ZFYVE16: variants seen among roughly 807,000 people sequenced by gnomAD.
The protein encoded by ZFYVE16 is zinc finger FYVE domain-containing protein 16.
In ZFYVE16, 89 loss-of-function variants were observed where a neutral mutation model predicts 138.1. The ratio of observed to expected loss-of-function variants is 0.64; its 90% CI spans 0.54 to 0.77. ZFYVE16 has a LOEUF of 0.77. Ranked by LOEUF, ZFYVE16 falls within the 30% of genes least tolerant of loss-of-function variation. The pLI, the probability that ZFYVE16 is intolerant of heterozygous loss-of-function variation, is 0.00. For missense variants in ZFYVE16, 1,793 were observed against 1,786.7 expected (o/e 1.00, Z -0.06); for synonymous variants, 596 against 618.3 (o/e 0.96, Z 0.53).
Position 80,445,363 on chromosome 5 carries a change from A to T in ZFYVE16, c.2682A>T (p.Arg894Ser), listed in dbSNP as rs1487856507. ...CAAAATTATCATCTGGAAGTAAAAG[A>T]TGTTCTGAAGACTTTAGTCCTCTCT... ...DTTKLSSGSKRCSEDFSPLSP... is the reference protein window; with the variant it reads ...DTTKLSSGSKSCSEDFSPLSP... The change falls in exon 7 of 19, where the codon AGA becomes AGT. Residue 894 changes from arginine (R) to serine (S), a missense_variant. This residue lies in a region of ZFYVE16 where 1,295 missense variants were observed against 1,204.3 expected (regional missense o/e 1.08). Coordinates refer to ENST00000505560, the MANE Select transcript of ZFYVE16 (RefSeq NM_001284236.3). 1 of 1,613,940 alleles carries T rather than the reference A, an allele frequency of 6.2e-7. No individual in the cohort carries two copies.
Position 80,437,923 on chromosome 5 carries a change from T to C in ZFYVE16, c.1238T>C (p.Ile413Thr). The C allele has an allele frequency of 6.2e-7, 1 of 1,614,058 alleles. No individual in the cohort carries two copies. Residue 413 changes from isoleucine to threonine, a missense_variant, in exon 4 of 19, where the codon ATA (isoleucine) becomes ACA (threonine). This residue lies in a region of ZFYVE16 where 1,295 missense variants were observed against 1,204.3 expected (regional missense o/e 1.08). Transcript: ENST00000505560. ...HKDNIQDAVT[I>T]HEEIQNSVVL... ...GATAATATACAAGATGCAGTGACTA[T>C]ACATGAAGAAATACAGAACAGTGTT...
At chr5:80,463,902 C>A (rs1753404510) in intron 15 of ZFYVE16, among the ~76,000 whole-genome samples, 1 of 152,196 alleles carries the variant, frequency 6.6e-6, no homozygotes. Context: ...TTTGCCAAAG[C>A]ATAGCAACAG....
intron 2 of ZFYVE16, among the ~76,000 whole-genome samples, chr5:80,428,467 A>G (rs936911742): frequency 6.6e-6 from 1 of 152,226 alleles, no homozygotes; most frequent in Non-Finnish European, 1.5e-5. Context: ...CGTCACCATC[A>G]TCAAAGACCA....
At chr5:80,428,916 A>T (rs2112290046) in intron 2 of ZFYVE16, among the ~76,000 whole-genome samples, 1 of 152,330 alleles carries the variant, frequency 6.6e-6, no homozygotes, top group South Asian at 2.1e-4. Context: ...AAAAAGAATA[A>T]AAAGAAACGA....
At chr5:80,443,685 C>T (rs988547036) in intron 6 of ZFYVE16, 2 of 455,966 alleles carry the variant, frequency 4.4e-6, no homozygotes, top group East Asian at 6.9e-5. Flanking sequence ...TACTGAAAAT[C>T]ATGAGTCTAG....
chr5:80,458,177 C>T (rs1752732647), intron 14 of ZFYVE16, among the ~76,000 whole-genome samples: 1 of 151,824 alleles, frequency 6.6e-6, no homozygotes, highest in South Asian at 2.1e-4. Context: ...TTATATTATA[C>T]TTTATCACTT....
intron 6 of ZFYVE16, chr5:80,443,667 GT>G (rs1750977190): frequency 4.4e-6 from 2 of 455,124 alleles, no homozygotes; most frequent in Admixed American, 4.7e-5. Context: ...CAGATTTGAT[GT>G]TAGGAGTACT....
intron 1 of ZFYVE16, chr5:80,411,695 C>T (rs1247668931): frequency 6.6e-6 from 1 of 152,296 alleles, no homozygotes; most frequent in Middle Eastern, 3.4e-3. Context: ...AAATCTTTAT[C>T]TATCTCAGAC....
chr5:80,449,303 C>T (rs969971402), intron 8 of ZFYVE16, among the ~76,000 whole-genome samples: 8 of 151,988 alleles, frequency 5.3e-5, no homozygotes, highest in Admixed American at 1.3e-4. Context: ...TTTATAAAAA[C>T]GTTTGTCTTC....
intron 1 of ZFYVE16, among the ~76,000 whole-genome samples, chr5:80,421,147 G>GT (rs1193570150): frequency 2.6e-5 from 4 of 152,186 alleles, no homozygotes; most frequent in Middle Eastern, 3.4e-3. Context: ...GGGGTTGTTT[G>GT]TTTTTTTCTT....
At chr5:80,414,384 G>A (rs1204857872) in intron 1 of ZFYVE16, among the ~76,000 whole-genome samples, 2 of 151,862 alleles carry the variant, frequency 1.3e-5, no homozygotes, top group East Asian at 1.9e-4. Flanking sequence ...CTTCTGTGTG[G>A]GTAGCCTCTT....
At chr5:80,428,310 T>C (rs1178284798) in intron 2 of ZFYVE16, among the ~76,000 whole-genome samples, 2 of 152,172 alleles carry the variant, frequency 1.3e-5, no homozygotes, top group African/African-American at 4.8e-5. Context: ...ACATTCACTG[T>C]TCTGCAGCCT....
intron 15 of ZFYVE16, among the ~76,000 whole-genome samples, chr5:80,464,594 TGTTCATA>T (rs1753484403): frequency 6.6e-6 from 1 of 152,252 alleles, no homozygotes; most frequent in Non-Finnish European, 1.5e-5. Context: ...GGCATAACAT[TGTTCATA>T]GTATTCCCTT....
At chr5:80,430,373 G>T (rs566619066) in intron 2 of ZFYVE16, among the ~76,000 whole-genome samples, 1 of 151,704 alleles carries the variant, frequency 6.6e-6, no homozygotes, top group East Asian at 1.9e-4. Flanking sequence ...CAGAAATAAA[G>T]ATGTTCTTTG....
In ZFYVE16 at chr5:80,436,999, C is replaced by T. The variant is rs1750013135; in HGVS notation, c.314C>T (p.Ser105Phe). 1 of 1,614,048 alleles carries T rather than the reference C, an allele frequency of 6.2e-7. No individual in the cohort carries two copies. The highest frequency in any genetic ancestry group is 1.7e-5 in the Admixed American group (1 of 60,006). The part of the protein sequence containing the change: ...KNVTGLDLLS[S>F]VDGGTSDEIQ... ...GTAACAGGACTTGATCTTCTTTCTTCTGTGGATGGTGGTACTTCAGATGAA... is the reference window on the plus strand; with the variant it reads ...GTAACAGGACTTGATCTTCTTTCTTTTGTGGATGGTGGTACTTCAGATGAA... Residue 105 changes from serine (S) to phenylalanine (F), a missense_variant, in exon 4 of 19, where the codon TCT becomes TTT. Around this residue, in one of 2 missense-constraint regions of ZFYVE16, gnomAD observed 1,295 missense variants for 1,204.3 expected, o/e 1.08. Transcript: ENST00000505560.
At position 80,451,535 on chromosome 5, in the gene ZFYVE16, A is replaced by C; in HGVS notation, c.3433A>C (p.Ser1145Arg). The change falls in exon 11 of 19, where the codon AGT becomes CGT. Residue 1145 changes from serine to arginine, a missense_variant. Ser to Arg is a moderately radical substitution (Grantham distance 110, BLOSUM62 -1). Around this residue, in one of 2 missense-constraint regions of ZFYVE16, gnomAD observed 498 missense variants for 582.4 expected, o/e 0.86. Transcript: ENST00000505560. ...DNITFTESFL[S>R]SKDHGGFLFI... ...TATTACCTTTACTGAGAGTTTTCTC[A>C]GTAGCAAGGATCACGGAGGATTCCT... is the stretch of plus-strand genomic sequence containing the variant. The C allele has an allele frequency of 6.2e-7, 1 of 1,613,842 alleles. No homozygotes were observed. Among genetic ancestry groups the C allele is most frequent in the Non-Finnish European group, 8.5e-7 (1 of 1,179,920 alleles).
rs1755276883 is a variant in ZFYVE16 at position 80,481,709 on chromosome 5, A to C, written c.*4332A>C. On this transcript the variant is annotated 3_prime_UTR_variant, in exon 19 of 19. Transcript: ENST00000505560. Reference sequence around the variant, plus strand: ...CCCAGAAACAACCCAAAATGATTGGACAAAGAACTTGTGAAACCTAAGCAA... The same window carrying C: ...CCCAGAAACAACCCAAAATGATTGGCCAAAGAACTTGTGAAACCTAAGCAA... 1.3e-5 allele frequency among the ~76,000 whole-genome samples: 2 copies of C among 152,244 alleles called. No homozygotes were observed. The highest frequency in any genetic ancestry group is 1.5e-5 in the Non-Finnish European group (1 of 68,034).
intron 10 of ZFYVE16, 94 bp from the exon 11 acceptor site, chr5:80,451,391 G>A: frequency 1.1e-6 from 1 of 889,046 alleles, no homozygotes; most frequent in Non-Finnish European, 1.7e-6. Context: ...ATATGTATTG[G>A]ATCAGTTTTT....
intron 15 of ZFYVE16, among the ~76,000 whole-genome samples, chr5:80,460,629 G>A (rs534356645): frequency 2.4e-4 from 37 of 152,300 alleles, no homozygotes; most frequent in Middle Eastern, 3.4e-3. Flanking sequence ...TTGAATAGGA[G>A]TTGATCCAGC....
Sources: allele counts gnomAD v4.1 joint callset (sites outside exome capture counted in the v4.1 genomes callset), GRCh38; gene constraint gnomAD v4.1.1; regional missense constraint gnomAD v4.1.1; transcripts MANE v1.5; gene names NCBI Gene and HGNC (gene_info 2026-07-23, HGNC 2026-07-21).